Variants in PCDHGB2 observed in about 807,000 individuals in gnomAD.
The protein encoded by PCDHGB2 is protocadherin gamma subfamily B, 2, also known as protocadherin gamma-B2.
In PCDHGB2, 55 loss-of-function variants were observed where a neutral mutation model predicts 59.3. The ratio of observed to expected loss-of-function variants is 0.93; its 90% CI spans 0.75 to 1.16. PCDHGB2 has a LOEUF of 1.16. PCDHGB2 is among the 50% of genes most tolerant of loss of function. The pLI is 0.00. For synonymous variants in PCDHGB2, 516 were observed against 512.0 expected (o/e 1.01, Z -0.11); for missense variants, 1,228 against 1,198.5 (o/e 1.02, Z -0.36).
intron 1 of PCDHGB2, among the ~76,000 whole-genome samples, chr5:141,449,525 G>T (rs2098641561): frequency 6.7e-6 from 1 of 148,580 alleles, no homozygotes; most frequent in South Asian, 2.1e-4. Flanking sequence ...GGAGGCGGAG[G>T]TTGCAGTGAG....
rs2099735810 is a variant in PCDHGB2 at position 141,491,979 on chromosome 5, G to A, written c.2422-2828G>A. On this transcript the variant is annotated intron_variant, in intron 1 of 3. Transcript: ENST00000522605. This position sits in a 1 kb window ranked among gnomAD's most constrained non-coding sequence, Gnocchi z 6.9. ...CAAAAAAGGCCGGGGCCTCCTTCGA[G>A]CTTCCGGTGAATTTCGGGCGATTTC... 6.4e-6 allele frequency: 5 copies of A among 787,296 alleles called. No homozygotes were observed. Among genetic ancestry groups the A allele is most frequent in the Non-Finnish European group, 9.4e-6 (5 of 533,208 alleles). 48.8% of individuals were successfully genotyped at this position (787,296 alleles called of 1,614,324 possible).
At chr5:141,372,003 C>T (rs552358423) in intron 1 of PCDHGB2, 1 of 1,613,296 alleles carries the variant, frequency 6.2e-7, no homozygotes, top group African/African-American at 1.3e-5. Flanking sequence ...GGCCCGCGAC[C>T]AGGGCTCGCC....
rs144796076 is a variant in PCDHGB2, at chr5:141,394,245, G to A, written c.2421+31689G>A. ...CTCCATCTTTTCCTTGACTGCACACGACCCCGACAGCCAGGAGAATGCCCA... is the reference window on the plus strand; with the variant it reads ...CTCCATCTTTTCCTTGACTGCACACAACCCCGACAGCCAGGAGAATGCCCA... On this transcript the variant is annotated intron_variant, in intron 1 of 3. Transcript: ENST00000522605. The A allele has an allele frequency of 2.5e-3, 4,038 of 1,613,812 alleles. 13 individuals carry two copies. The highest frequency in any genetic ancestry group is 6.1e-3 in the Middle Eastern group (37 of 6,062).
chr5:141,450,828 TA>T lies in PCDHGB2; in HGVS notation c.2422-43978del, dbSNP rs1427656987. Among the ~76,000 whole-genome samples the T allele has an allele frequency of 7.8e-4, 110 of 141,058 alleles. 1 individual carries two copies. The highest frequency in any genetic ancestry group is 1.8e-3 in the African/African-American group (65 of 36,868). The allele number at this position is 141,058 out of a possible 152,430, so 92.5% of individuals were successfully genotyped here. A position where few individuals can be genotyped will look rare whatever the true frequency, so the allele number is the denominator to read the frequency against. ...TTTATTTATTTAATATTATTATTAT[TA>T]TTTTTTTTTTTTTGAGATGGGGTCT... On this transcript the variant is annotated intron_variant, in intron 1 of 3. Transcript: ENST00000522605.
intron 1 of PCDHGB2, chr5:141,390,739 A>G (rs1459430005): frequency 5.6e-6 from 1 of 178,034 alleles, no homozygotes; most frequent in Non-Finnish European, 1.2e-5. Context: ...TATGGTCTCC[A>G]TAGTAGTCCA....
Position 141,469,939 on chromosome 5 carries a change from T to G in PCDHGB2, c.2422-24868T>G, listed in dbSNP as rs1376169822. Among the ~76,000 whole-genome samples, 3 of 152,186 alleles carry G rather than the reference T, an allele frequency of 2.0e-5. No individual in the cohort carries two copies. The East Asian group carries it at 5.8e-4, about 29-fold the overall frequency. On this transcript the variant is annotated intron_variant, in intron 1 of 3. Transcript: ENST00000522605. ...CGAGGTCAGGAGTTTGAGACCAGCC[T>G]GGCCAGCATGGTGAAACCCCATCTG...
intron 1 of PCDHGB2, among the ~76,000 whole-genome samples, chr5:141,481,259 C>T (rs1176419744): frequency 1.3e-5 from 2 of 152,146 alleles, no homozygotes; most frequent in African/African-American, 4.8e-5. Context: ...TCTAAAAGAT[C>T]ACTGTAGGAA....
intron 1 of PCDHGB2, chr5:141,420,146 C>G (rs372634787): frequency 1.9e-6 from 3 of 1,613,962 alleles, no homozygotes; most frequent in Non-Finnish European, 2.5e-6. Flanking sequence ...TCAAATGAAT[C>G]CAGAATTTAA....
rs148279287 is a variant in PCDHGB2 at position 141,389,277 on chromosome 5, C to T, written c.2421+26721C>T. ...AGTCCACGTGGCCGAGAACAACCCG[C>T]CTGGAGCCTCTATTTCACAAGTCAG... On this transcript the variant is annotated intron_variant, in intron 1 of 3. Transcript: ENST00000522605. 7,343 of 1,614,014 alleles carry T rather than the reference C, an allele frequency of 4.5e-3. 34 individuals are homozygous for T. Among genetic ancestry groups the T allele is most frequent in the Middle Eastern group, 0.015 (93 of 6,062 alleles).
At position 141,431,277 on chromosome 5, in the gene PCDHGB2, G is replaced by T; in HGVS notation, c.2422-63530G>T. 6.2e-7 allele frequency: 1 copy of T among 1,614,160 alleles called. No homozygotes were observed. The highest frequency in any genetic ancestry group is 1.3e-5 in the African/African-American group (1 of 75,062). On this transcript the variant is annotated intron_variant, in intron 1 of 3. Transcript: ENST00000522605. This position sits in a 1 kb window ranked among gnomAD's most constrained non-coding sequence, Gnocchi z 4.8. ...AACTCTCTGCAGAGCTACGAGCTCAGCCCGAACACTCACTTCTCCCTCATC... is the reference window on the plus strand; with the variant it reads ...AACTCTCTGCAGAGCTACGAGCTCATCCCGAACACTCACTTCTCCCTCATC...
At position 141,431,516 on chromosome 5, in the gene PCDHGB2, G is replaced by C. The variant is rs941913367; in HGVS notation, c.2422-63291G>C. 3.1e-6 allele frequency: 5 copies of C among 1,613,954 alleles called. No homozygotes were observed. In the African/African-American group the frequency reaches 6.7e-5, roughly 22 times the overall value. On this transcript the variant is annotated intron_variant, in intron 1 of 3. Coordinates refer to ENST00000522605, the MANE Select transcript of PCDHGB2 (RefSeq NM_018923.3). This position sits in a 1 kb window ranked among gnomAD's most constrained non-coding sequence, Gnocchi z 4.8. ...GCCCGAGTACCGCGCGAGCGTTCCG[G>C]AGAATCTGGCCTTGGGCACGCAGCT... is the stretch of plus-strand genomic sequence containing the variant.
At chr5:141,374,860 A>C in intron 1 of PCDHGB2, 1 of 1,613,772 alleles carries the variant, frequency 6.2e-7, no homozygotes, top group East Asian at 2.2e-5. Context: ...CAGTAGGCAC[A>C]CCAGTGTTGG....
At chr5:141,461,507 T>C (rs1271911872) in intron 1 of PCDHGB2, among the ~76,000 whole-genome samples, 1 of 152,316 alleles carries the variant, frequency 6.6e-6, no homozygotes, top group East Asian at 1.9e-4. Context: ...TTCTTGGTGA[T>C]TTGTTAGTTC....
At position 141,418,522 on chromosome 5, in the gene PCDHGB2, C is replaced by T. The variant is rs751177053; in HGVS notation, c.2421+55966C>T. The T allele has an allele frequency of 1.5e-5, 24 of 1,613,884 alleles. No individual in the cohort carries two copies. The African/African-American group carries it at 2.7e-4, about 18-fold the overall frequency. ...CCGCCTTAGATGGTGGGGACCCTCC[C>T]CGAAGCGGTACTGCTCAGATAAGAA... is the stretch of plus-strand genomic sequence containing the variant. On this transcript the variant is annotated intron_variant, in intron 1 of 3. Transcript: ENST00000522605.
chr5:141,360,262 A>G lies in PCDHGB2; in HGVS notation c.127A>G (p.Lys43Glu). 6.2e-7 allele frequency: 1 copy of G among 1,613,978 alleles called. No homozygotes were observed. The highest frequency in any genetic ancestry group is 8.5e-7 in the Non-Finnish European group (1 of 1,179,886). ...CTATTCAATTCCAGAGGAGCTGGCC[A>G]AAAACTCGGTCGTAGGAAACCTCGC... ...IRYSIPEELA[K>E]NSVVGNLAKD... The change falls in exon 1 of 4, where the codon AAA becomes GAA. Residue 43 changes from lysine (K) to glutamate (E), a missense_variant. Coordinates refer to ENST00000522605, the MANE Select transcript of PCDHGB2 (RefSeq NM_018923.3).
At chr5:141,427,599 C>T (rs1233253295) in intron 1 of PCDHGB2, 3 of 682,980 alleles carry the variant, frequency 4.4e-6, no homozygotes, top group South Asian at 3.0e-5. Flanking sequence ...CCTCACCCTA[C>T]GCATTGGTGA....
At chr5:141,370,852 C>T (rs558873325) in intron 1 of PCDHGB2, 5 of 1,614,018 alleles carry the variant, frequency 3.1e-6, no homozygotes, top group Non-Finnish European at 4.2e-6. Flanking sequence ...GCCACATTTG[C>T]CCTGGAATCT....
chr5:141,423,811 T>G, intron 1 of PCDHGB2: 1 of 1,254,642 alleles, frequency 8.0e-7, no homozygotes, highest in Non-Finnish European at 1.0e-6. Flanking sequence ...ACATGTGAGT[T>G]TTACTTTGCC....
intron 1 of PCDHGB2, among the ~76,000 whole-genome samples, chr5:141,452,575 T>A (rs1386847800): frequency 6.6e-6 from 1 of 152,192 alleles, no homozygotes; most frequent in Non-Finnish European, 1.5e-5. Flanking sequence ...CCTTCCCCCT[T>A]TCCATCTTTG....
Sources: gnomAD v4.1 joint callset for allele counts (sites outside exome capture counted in the v4.1 genomes callset) on GRCh38, gnomAD v4.1.1 for gene constraint, Gnocchi (gnomAD v3.1) non-coding constraint, MANE v1.5 for transcripts, NCBI Gene and HGNC (gene_info 2026-07-23, HGNC 2026-07-21) for gene names.